The following CUL3 variants were observed in gnomAD, a reference collection of about 807,000 sequenced individuals.
CUL3 encodes the protein cullin 3.
CUL3 carries 19 observed loss-of-function variants against 89.1 expected under a neutral mutation model. The ratio of observed to expected loss-of-function variants is 0.21; its 90% CI spans 0.15 to 0.31. CUL3 has a LOEUF of 0.31. Ranked by LOEUF, CUL3 falls within the 10% of genes least tolerant of loss-of-function variation. The pLI, the probability that CUL3 is intolerant of heterozygous loss-of-function variation, is 1.00. For synonymous variants in CUL3, 351 were observed against 308.4 expected (o/e 1.14, Z -1.45); for missense variants, 469 against 942.3 (o/e 0.50, Z 6.58).
chr2:224,556,660 T>A (rs1305178101), intron 2 of CUL3, among the ~76,000 whole-genome samples: 35 of 152,136 alleles, frequency 2.3e-4, no homozygotes, highest in Non-Finnish European at 1.5e-5. Flanking sequence ...ATAAGGAATG[T>A]ATTAGGCAAC....
chr2:224,577,869 G>A (rs1332839312), intron 1 of CUL3, among the ~76,000 whole-genome samples: 2 of 152,158 alleles, frequency 1.3e-5, no homozygotes, highest in Non-Finnish European at 2.9e-5. Context: ...ATACAACCTT[G>A]AGAAATATAA....
chr2:224,582,698 G>T (rs1324857831), intron 1 of CUL3, among the ~76,000 whole-genome samples: 1 of 152,054 alleles, frequency 6.6e-6, no homozygotes, highest in Non-Finnish European at 1.5e-5. Context: ...ATGTGGTAAC[G>T]TATCACACAA....
chr2:224,534,521 T>A (rs1455581506), intron 3 of CUL3, among the ~76,000 whole-genome samples: 1 of 152,206 alleles, frequency 6.6e-6, no homozygotes, highest in African/African-American at 2.4e-5. Flanking sequence ...TAAGAGAATA[T>A]TCAGCTTTTG....
chr2:224,576,318 A>T (rs908014221), intron 1 of CUL3, among the ~76,000 whole-genome samples: 3 of 152,278 alleles, frequency 2.0e-5, no homozygotes, highest in Non-Finnish European at 1.5e-5. Context: ...TAGTAAACAG[A>T]AAGACTGGAC....
intron 1 of CUL3, among the ~76,000 whole-genome samples, chr2:224,566,214 T>C (rs1695036948): frequency 6.6e-6 from 1 of 152,238 alleles, no homozygotes; most frequent in Non-Finnish European, 1.5e-5. Flanking sequence ...AATCCCTTAC[T>C]GACAAGGTAC....
chr2:224,476,206 G>A (rs112327343), intron 15 of CUL3, among the ~76,000 whole-genome samples: 4 of 151,894 alleles, frequency 2.6e-5, no homozygotes, highest in African/African-American at 4.8e-5. Flanking sequence ...TCAGTAGGAC[G>A]GGGTTTCGCT....
intron 3 of CUL3, among the ~76,000 whole-genome samples, chr2:224,532,026 TATAAGA>T (rs1184398512): frequency 1.3e-5 from 2 of 152,118 alleles, no homozygotes; most frequent in African/African-American, 4.8e-5. Flanking sequence ...AAAAAGAACT[TATAAGA>T]ATAATTCTCA....
At chr2:224,563,922 GA>G (rs1435031930) in intron 1 of CUL3, among the ~76,000 whole-genome samples, 4 of 152,174 alleles carry the variant, frequency 2.6e-5, no homozygotes, top group Non-Finnish European at 4.4e-5. Flanking sequence ...TCCTTTAAGT[GA>G]AAAGGTGAAA....
intron 1 of CUL3, among the ~76,000 whole-genome samples, chr2:224,584,116 A>T (rs573720637): frequency 1.3e-5 from 2 of 152,340 alleles, no homozygotes; most frequent in South Asian, 4.1e-4. Context: ...TCGCAAGGGT[A>T]CGACTCAACG....
chr2:224,479,657 G>A (rs936212166), intron 14 of CUL3: 1 of 152,128 alleles, frequency 6.6e-6, no homozygotes, highest in African/African-American at 2.4e-5. Flanking sequence ...GGAAACTACT[G>A]AGATATTTGT....
At chr2:224,499,220 T>C (rs1692281984) in intron 11 of CUL3, among the ~76,000 whole-genome samples, 3 of 152,200 alleles carry the variant, frequency 2.0e-5, no homozygotes, top group Non-Finnish European at 4.4e-5. Flanking sequence ...CATTTTGACA[T>C]CAAGGTCAGG....
At chr2:224,558,143 A>G (rs776031508) in intron 1 of CUL3, among the ~76,000 whole-genome samples, 12 of 152,182 alleles carry the variant, frequency 7.9e-5, no homozygotes, top group Admixed American at 2.6e-4. Flanking sequence ...ATAATGATTT[A>G]TATACCCGTA....
At chr2:224,580,281 T>G (rs1477293760) in intron 1 of CUL3, among the ~76,000 whole-genome samples, 1 of 152,244 alleles carries the variant, frequency 6.6e-6, no homozygotes, top group Admixed American at 6.5e-5. Context: ...CCTTATTGTC[T>G]TCCATCTTAA....
chr2:224,584,749 G>T (rs1277019146), intron 1 of CUL3, among the ~76,000 whole-genome samples, 195 bp downstream of exon 1: 2 of 146,580 alleles, frequency 1.4e-5, no homozygotes, highest in Non-Finnish European at 1.5e-5. Context: ...CCGGCGCGGG[G>T]AACGGCCCGG....
chr2:224,560,910 C>T (rs1049763040), intron 1 of CUL3, among the ~76,000 whole-genome samples: 1 of 152,212 alleles, frequency 6.6e-6, no homozygotes, highest in African/African-American at 2.4e-5. Flanking sequence ...GTTCGCTCTG[C>T]TCCATGCACT....
rs569781473 is a variant in CUL3 at position 224,482,257 on chromosome 2, G to A, written c.1843-179C>T. Among the ~76,000 whole-genome samples the A allele has an allele frequency of 6.6e-5, 10 of 152,042 alleles. No homozygotes were observed. The East Asian group carries it at 7.7e-4, about 12-fold the overall frequency. On this transcript the variant is annotated intron_variant, in intron 13 of 15. Coordinates refer to ENST00000264414, the MANE Select transcript of CUL3 (RefSeq NM_003590.5). ...TTAAAATCTCATTATTTGAACAAAC[G>A]AGAGGAAAGGGTGATTCAAGTTATA... is the stretch of plus-strand genomic sequence containing the variant.
At chr2:224,534,573 T>C (rs1188573129) in intron 3 of CUL3, among the ~76,000 whole-genome samples, 4 of 152,256 alleles carry the variant, frequency 2.6e-5, no homozygotes, top group Non-Finnish European at 5.9e-5. Flanking sequence ...GATGTTAATA[T>C]GGTTTTTTCC....
At chr2:224,503,138 G>T (rs1692454446) in intron 9 of CUL3, 66 bp from the exon 10 acceptor site, 13 of 1,020,536 alleles carry the variant, frequency 1.3e-5, no homozygotes, top group East Asian at 1.2e-4. Context: ...AGTACAGAAA[G>T]AAATAAATTA....
chr2:224,556,677 A>G (rs1358682867), intron 2 of CUL3, among the ~76,000 whole-genome samples: 1 of 152,162 alleles, frequency 6.6e-6, no homozygotes, highest in Non-Finnish European at 1.5e-5. Context: ...CAACAGTATT[A>G]TATTGTTAAA....
Sources: allele counts gnomAD v4.1 joint callset (sites outside exome capture counted in the v4.1 genomes callset), GRCh38; gene constraint gnomAD v4.1.1; transcripts MANE v1.5; gene names NCBI Gene and HGNC (gene_info 2026-07-23, HGNC 2026-07-21).